TMCO5A: variants seen among roughly 807,000 people sequenced by gnomAD.
TMCO5A encodes the protein transmembrane and coiled-coil domains 5A, also known as transmembrane and coiled-coil domain-containing protein 5A.
Under a neutral mutation model 42.3 loss-of-function variants are expected in TMCO5A, and 34 were observed. That is an observed-to-expected ratio of 0.80 (90% CI 0.61 to 1.07). The LOEUF is 1.07. Among genes scored for constraint, TMCO5A ranks in the 50% least tolerant of loss-of-function variants. TMCO5A has a pLI of 0.00. For synonymous variants in TMCO5A, 131 were observed against 115.6 expected, an observed-to-expected ratio of 1.13 and a Z score of -0.86; for missense variants, 357 against 327.9, an observed-to-expected ratio of 1.09 and a Z score of -0.69.
the TMCO5A span, among the ~76,000 whole-genome samples, chr15:37,987,564 T>C: frequency 2.1e-4 from 32 of 152,144 alleles, no homozygotes; most frequent in East Asian, 9.7e-4. Context: ...AAGGTCAAAA[T>C]TGATTCTTTT....
At chr15:38,036,492 T>TCA in the TMCO5A span, among the ~76,000 whole-genome samples, 231 of 86,862 alleles carry the variant, frequency 2.7e-3, no homozygotes, top group African/African-American at 0.013. Context: ...TGTCTCTCTC[T>TCA]CTCTCACACA....
At chr15:37,957,772 C>A (rs879701383) in intron 11 of TMCO5A, among the ~76,000 whole-genome samples, 16 of 152,062 alleles carry the variant, frequency 1.1e-4, no homozygotes, top group Non-Finnish European at 1.8e-4. Flanking sequence ...AAAAAGAGCC[C>A]ATATAGCCAA....
the TMCO5A span, among the ~76,000 whole-genome samples, chr15:38,009,450 C>T: frequency 6.6e-6 from 1 of 152,148 alleles, no homozygotes; most frequent in African/African-American, 2.4e-5. Context: ...TTTACTTGGT[C>T]TATATTCTCT....
intron 5 of TMCO5A, 78 bp downstream of exon 5, chr15:37,937,474 A>G: frequency 6.7e-7 from 1 of 1,492,552 alleles, no homozygotes. Flanking sequence ...GGGGGAAGTG[A>G]TCATAGAGGA....
chr15:37,977,981 G>A, the TMCO5A span, among the ~76,000 whole-genome samples: 2 of 152,204 alleles, frequency 1.3e-5, no homozygotes, highest in South Asian at 2.1e-4. Flanking sequence ...GAGGTGTAAG[G>A]CACTCAGGGT....
chr15:37,989,030 T>C, the TMCO5A span, among the ~76,000 whole-genome samples: 5 of 152,030 alleles, frequency 3.3e-5, no homozygotes, highest in Admixed American at 1.3e-4. Context: ...TATAGGTATA[T>C]TCAGGTTTTC....
At chr15:37,999,479 G>A in the TMCO5A span, among the ~76,000 whole-genome samples, 3 of 152,098 alleles carry the variant, frequency 2.0e-5, no homozygotes, top group African/African-American at 7.2e-5. Flanking sequence ...CCACAAACAA[G>A]CAGAATTTGA....
At chr15:37,937,249 GC>G in intron 4 of TMCO5A, 96 bp from the exon 5 acceptor site, 2 of 1,424,634 alleles carry the variant, frequency 1.4e-6, no homozygotes, top group South Asian at 2.4e-5. Flanking sequence ...TCAAGTTACT[GC>G]AGGAAAATAT....
At chr15:38,029,868 A>G in the TMCO5A span, among the ~76,000 whole-genome samples, 23 of 152,336 alleles carry the variant, frequency 1.5e-4, no homozygotes, top group Admixed American at 3.3e-4. Flanking sequence ...CTTTCATACC[A>G]TTAAATAGGA....
At chr15:37,985,138 G>A in the TMCO5A span, among the ~76,000 whole-genome samples, 1 of 151,522 alleles carries the variant, frequency 6.6e-6, no homozygotes, top group Non-Finnish European at 1.5e-5. Flanking sequence ...GGCTTCTTCT[G>A]ACATCTAGAT....
chr15:37,963,102 GGTTT>G (rs1275703864), intron 11 of TMCO5A, among the ~76,000 whole-genome samples: 2 of 151,900 alleles, frequency 1.3e-5, no homozygotes, highest in Non-Finnish European at 2.9e-5. Context: ...GGTTTGGTGT[GGTTT>G]GTTCTTGTTT....
intron 3 of TMCO5A, 103 bp from the exon 4 acceptor site, chr15:37,936,744 C>T (rs1889526637): frequency 6.7e-7 from 1 of 1,498,236 alleles, no homozygotes; most frequent in Admixed American, 1.9e-5. Context: ...GCTTGAGATT[C>T]ATGTACACTG....
At chr15:38,010,425 T>TCACACACACACACACA in the TMCO5A span, among the ~76,000 whole-genome samples, 2,726 of 117,316 alleles carry the variant, frequency 0.023, 57 homozygotes, top group African/African-American at 0.051. Flanking sequence ...CAGAGGGAGA[T>TCACACACACACACACA]CACACACACA....
the TMCO5A span, among the ~76,000 whole-genome samples, chr15:37,983,865 C>T: frequency 6.6e-6 from 1 of 152,026 alleles, no homozygotes; most frequent in African/African-American, 2.4e-5. Context: ...GCTGGAATTA[C>T]AGGTGGCTGC....
the TMCO5A span, among the ~76,000 whole-genome samples, chr15:38,038,003 A>C: frequency 6.6e-6 from 1 of 150,756 alleles, no homozygotes; most frequent in Admixed American, 6.6e-5. Flanking sequence ...ACAGAGTGAG[A>C]CTCCGTCTCA....
intron 6 of TMCO5A, 34 bp downstream of exon 6, chr15:37,938,263 G>C: frequency 6.6e-7 from 1 of 1,513,316 alleles, no homozygotes; most frequent in Non-Finnish European, 9.0e-7. Flanking sequence ...ATGTGGTTGG[G>C]CTATGTAACC....
chr15:37,954,437 G>A (rs999747035), downstream of TMCO5A, among the ~76,000 whole-genome samples: 5 of 152,086 alleles, frequency 3.3e-5, no homozygotes, highest in Admixed American at 3.3e-4. Context: ...CATTTATCCT[G>A]CAATAGTATT....
chr15:37,990,812 T>C, the TMCO5A span, among the ~76,000 whole-genome samples: 1 of 152,060 alleles, frequency 6.6e-6, no homozygotes, highest in South Asian at 2.1e-4. Flanking sequence ...TTATGATTAC[T>C]ATGGGGATTA....
At chr15:37,993,399 T>C in the TMCO5A span, 1 of 151,994 alleles carries the variant, frequency 6.6e-6, no homozygotes, top group Non-Finnish European at 1.5e-5. Context: ...TTGATTGTTA[T>C]AGACTGTCTG....
Sources: allele counts gnomAD v4.1 joint callset (sites outside exome capture counted in the v4.1 genomes callset), GRCh38; gene constraint gnomAD v4.1.1; transcripts MANE v1.5; gene names NCBI Gene and HGNC (gene_info 2026-07-23, HGNC 2026-07-21).